Variants in ROR2 observed in about 807,000 individuals in gnomAD.
ROR2 encodes the protein ROR family WNT receptor 2, also known as tyrosine-protein kinase transmembrane receptor ROR2.
In ROR2, 33 loss-of-function variants were observed where a neutral mutation model predicts 74.9. That is an observed-to-expected ratio of 0.44 (90% CI 0.33 to 0.59). ROR2 has a LOEUF of 0.59. Ranked by LOEUF, ROR2 falls within the 20% of genes least tolerant of loss-of-function variation. ROR2 has a pLI of 0.02. For synonymous variants in ROR2, 586 were observed against 558.7 expected (o/e 1.05, Z -0.69); for missense variants, 1,216 against 1,313.8 (o/e 0.93, Z 1.15).
intron 1 of ROR2, among the ~76,000 whole-genome samples, chr9:91,782,711 TC>T (rs1242607203): frequency 1.3e-5 from 2 of 151,882 alleles, no homozygotes; most frequent in Non-Finnish European, 2.9e-5. Context: ...TAAGGCCAGG[TC>T]TGGAGCAGGC....
intron 2 of ROR2, among the ~76,000 whole-genome samples, chr9:91,762,236 A>G (rs1009014346): frequency 6.6e-6 from 1 of 152,224 alleles, no homozygotes; most frequent in Non-Finnish European, 1.5e-5. Context: ...GCCTACCCGG[A>G]TAAGAGAGAA....
intron 1 of ROR2, among the ~76,000 whole-genome samples, chr9:91,893,236 T>G (rs1350631054): frequency 6.6e-6 from 1 of 152,060 alleles, no homozygotes; most frequent in East Asian, 1.9e-4. Context: ...GTGGCTCATG[T>G]CTGTAATCCT....
rs548384502 is a variant in ROR2, at chr9:91,841,483, C to A, written c.98-65665G>T. On this transcript the variant is annotated intron_variant, in intron 1 of 8. Coordinates refer to ENST00000375708, the MANE Select transcript of ROR2 (RefSeq NM_004560.4). ...GTCCCTGACACAGACTGGCAAAGGCCGGAAGCTCTTCAAAGTATTAATTTT... is the reference window on the plus strand; with the variant it reads ...GTCCCTGACACAGACTGGCAAAGGCAGGAAGCTCTTCAAAGTATTAATTTT... 1.1e-4 allele frequency among the ~76,000 whole-genome samples: 16 copies of A among 152,268 alleles called. No homozygotes were observed. In the East Asian group the frequency reaches 3.1e-3, roughly 29 times the overall value.
At chr9:91,944,710 A>G (rs755510749) in intron 1 of ROR2, among the ~76,000 whole-genome samples, 2 of 152,214 alleles carry the variant, frequency 1.3e-5, no homozygotes, top group Non-Finnish European at 2.9e-5. Flanking sequence ...GAAAGAAATG[A>G]AAGGTCTAAA....
chr9:91,780,205 G>A (rs1488159595), intron 1 of ROR2, among the ~76,000 whole-genome samples: 5 of 152,032 alleles, frequency 3.3e-5, no homozygotes, highest in African/African-American at 9.7e-5. Flanking sequence ...GTGAAACCCC[G>A]TCTCTACTAA....
At chr9:91,831,196 G>A (rs950218212) in intron 1 of ROR2, among the ~76,000 whole-genome samples, 11 of 151,854 alleles carry the variant, frequency 7.2e-5, no homozygotes, top group Non-Finnish European at 1.5e-4. Context: ...GGGAGGCGGA[G>A]GCTGTGGTGA....
intron 4 of ROR2, among the ~76,000 whole-genome samples, chr9:91,746,676 G>C (rs969328545): frequency 2.6e-5 from 4 of 152,110 alleles, no homozygotes; most frequent in African/African-American, 9.7e-5. Context: ...AGTCAGACTT[G>C]AAAACAAGGA....
At chr9:91,945,831 C>T (rs1831998619) in intron 1 of ROR2, among the ~76,000 whole-genome samples, 3 of 152,328 alleles carry the variant, frequency 2.0e-5, no homozygotes, top group African/African-American at 7.2e-5. Context: ...ATGACAACTG[C>T]ACACGCAAGC....
chr9:91,943,191 T>A lies in ROR2; in HGVS notation c.97+6676A>T, dbSNP rs138205597. ...TCTAACACAAGAACACGTTTCAGGC[T>A]TATTGTGTATTTTTCCCTGTCCCCA... On this transcript the variant is annotated intron_variant, in intron 1 of 8. Transcript: ENST00000375708. 3.3e-5 allele frequency among the ~76,000 whole-genome samples: 5 copies of A among 152,232 alleles called. No individual in the cohort carries two copies. In the East Asian group the frequency reaches 7.7e-4, roughly 23 times the overall value.
intron 8 of ROR2, among the ~76,000 whole-genome samples, chr9:91,725,494 C>T (rs903913392): frequency 5.9e-5 from 9 of 152,188 alleles, no homozygotes. Flanking sequence ...GCCAGGTTCC[C>T]TCCAACCCCC....
intron 2 of ROR2, among the ~76,000 whole-genome samples, chr9:91,768,116 T>A (rs1216903528): frequency 1.3e-5 from 2 of 152,058 alleles, no homozygotes; most frequent in African/African-American, 4.8e-5. Context: ...TTGCCAGCAA[T>A]GCCTGGAGCT....
At chr9:91,804,413 T>C (rs2119070427) in intron 1 of ROR2, among the ~76,000 whole-genome samples, 1 of 152,300 alleles carries the variant, frequency 6.6e-6, no homozygotes, top group African/African-American at 2.4e-5. Flanking sequence ...TGGGGGACCT[T>C]TGCTCGACAG....
intron 1 of ROR2, among the ~76,000 whole-genome samples, chr9:91,896,614 A>G (rs745600274): frequency 6.6e-6 from 1 of 152,186 alleles, no homozygotes; most frequent in African/African-American, 2.4e-5. Context: ...CTCACTGGAC[A>G]CCAAGAAATA....
intron 2 of ROR2, among the ~76,000 whole-genome samples, chr9:91,771,882 C>A (rs1329733692): frequency 6.6e-6 from 1 of 152,196 alleles, no homozygotes; most frequent in Middle Eastern, 3.2e-3. Context: ...GGTCCACAGG[C>A]CAATGTCACC....
chr9:91,735,765 C>T (rs1178996168), intron 5 of ROR2, among the ~76,000 whole-genome samples: 2 of 151,540 alleles, frequency 1.3e-5, no homozygotes. Flanking sequence ...TACAGGCACC[C>T]GCCACCATGC....
chr9:91,781,020 A>G (rs188669108), intron 1 of ROR2, among the ~76,000 whole-genome samples: 10 of 152,252 alleles, frequency 6.6e-5, no homozygotes, highest in African/African-American at 2.4e-4. Context: ...TCATCCATTC[A>G]TCTCTTCACC....
chr9:91,867,087 T>C (rs1271418069), intron 1 of ROR2, among the ~76,000 whole-genome samples: 1 of 152,188 alleles, frequency 6.6e-6, no homozygotes, highest in Non-Finnish European at 1.5e-5. Flanking sequence ...CTATAAAACC[T>C]GGAACGAATA....
chr9:91,845,050 G>A (rs912226021), intron 1 of ROR2, among the ~76,000 whole-genome samples: 3 of 152,142 alleles, frequency 2.0e-5, no homozygotes, highest in Non-Finnish European at 2.9e-5. Flanking sequence ...AGAAAGTTAC[G>A]GTGGCCTGTA....
In ROR2 at chr9:91,723,719, C is replaced by T. The variant is rs1460790145; in HGVS notation, c.2775G>A (p.Leu925=). ...EEEGSVPETE[L]LGDCDTLQVD... ...CCTGCAGAGTGTCACAGTCCCCCAGCAGCTCAGTCTCTGGGACAGAGCCTT... is the reference window on the plus strand; with the variant it reads ...CCTGCAGAGTGTCACAGTCCCCCAGTAGCTCAGTCTCTGGGACAGAGCCTT... The change falls in exon 9 of 9, where the codon CTG becomes CTA. Residue 925 remains leucine (L), a synonymous_variant. Transcript: ENST00000375708. The T allele has an allele frequency of 1.2e-6, 2 of 1,614,004 alleles. No individual in the cohort carries two copies. The highest frequency in any genetic ancestry group is 2.2e-5 in the South Asian group (2 of 91,084).
Sources: gnomAD v4.1 joint callset for allele counts (sites outside exome capture counted in the v4.1 genomes callset) on GRCh38, gnomAD v4.1.1 for gene constraint, MANE v1.5 for transcripts, NCBI Gene and HGNC (gene_info 2026-07-23, HGNC 2026-07-21) for gene names.